Variants in FMNL2 observed in about 807,000 individuals in gnomAD.
The protein encoded by FMNL2 is formin-like protein 2.
Under a neutral mutation model 130.2 loss-of-function variants are expected in FMNL2, and 51 were observed. The ratio of observed to expected loss-of-function variants is 0.39; its 90% CI spans 0.31 to 0.49. The LOEUF (loss-of-function observed/expected upper bound fraction) is 0.49. FMNL2 is among the 20% of genes least tolerant of loss of function. FMNL2 has a pLI of 0.85. For synonymous variants in FMNL2, 465 were observed against 467.1 expected, an observed-to-expected ratio of 1.00 and a Z score of 0.06; for missense variants, 977 against 1,316.2, an observed-to-expected ratio of 0.74 and a Z score of 3.99.
chr2:152,417,537 TC>T (rs1686681922), intron 1 of FMNL2, among the ~76,000 whole-genome samples: 3 of 152,200 alleles, frequency 2.0e-5, no homozygotes, highest in African/African-American at 7.2e-5. Flanking sequence ...ATTGAGGTGT[TC>T]CTGTGATCTG....
At chr2:152,646,365 C>A (rs1204235432) in intron 25 of FMNL2, among the ~76,000 whole-genome samples, 1 of 150,104 alleles carries the variant, frequency 6.7e-6, no homozygotes, top group Non-Finnish European at 1.5e-5. Context: ...AAGAGTAGGG[C>A]AGGGTCACAC....
At position 152,580,811 on chromosome 2, in the gene FMNL2, G is replaced by A. The variant is rs866040209; in HGVS notation, c.783-145G>A. On this transcript the variant is annotated intron_variant, in intron 8 of 25. Coordinates refer to ENST00000288670, the MANE Select transcript of FMNL2 (RefSeq NM_052905.4). ...TAGTAGTCAGTAAAGGTTTAAAAATGTACTTTGATTAAACTGTACCTTAGT... is the reference window on the plus strand; with the variant it reads ...TAGTAGTCAGTAAAGGTTTAAAAATATACTTTGATTAAACTGTACCTTAGT... The A allele has an allele frequency of 2.9e-5, 20 of 687,338 alleles. No homozygotes were observed. The Middle Eastern group carries it at 3.2e-3, about 111-fold the overall frequency. 42.6% of individuals were successfully genotyped at this position (687,338 alleles called of 1,614,324 possible).
chr2:152,336,208 C>G (rs1681431656), intron 1 of FMNL2, among the ~76,000 whole-genome samples: 1 of 152,008 alleles, frequency 6.6e-6, no homozygotes, highest in Non-Finnish European at 1.5e-5. Context: ...TGGCCGGCCG[C>G]GGGCGCCGCG....
intron 17 of FMNL2, among the ~76,000 whole-genome samples, chr2:152,627,043 C>A (rs1011446329): frequency 2.6e-5 from 4 of 152,166 alleles, no homozygotes; most frequent in African/African-American, 9.7e-5. Context: ...CTTATGCGGG[C>A]CTCCAGCAAT....
intron 6 of FMNL2, among the ~76,000 whole-genome samples, chr2:152,572,423 G>A (rs1166569975): frequency 6.6e-6 from 1 of 152,130 alleles, no homozygotes; most frequent in African/African-American, 2.4e-5. Context: ...AGGTGTTCTT[G>A]TTGTGGTAAA....
rs138421390 is a variant in FMNL2, at chr2:152,527,577, A to AT, written c.201+5558dup. 8.1e-3 allele frequency among the ~76,000 whole-genome samples: 1,235 copies of AT among 152,090 alleles called. 17 individuals carry two copies. Among genetic ancestry groups the AT allele is most frequent in the African/African-American group, 0.028 (1,163 of 41,486 alleles). ...CCTGGAATTTTTCCCCTCAATTGCC[A>AT]TTTTTTTAAGTAAGAATTTGGATTA... On this transcript the variant is annotated intron_variant, in intron 2 of 25. Transcript: ENST00000288670.
chr2:152,643,237 A>G (rs773808001), intron 25 of FMNL2, among the ~76,000 whole-genome samples: 4 of 152,150 alleles, frequency 2.6e-5, no homozygotes, highest in Non-Finnish European at 4.4e-5. Flanking sequence ...AAAGCCCCAG[A>G]TAAATTCCTT....
intron 21 of FMNL2, among the ~76,000 whole-genome samples, chr2:152,632,610 C>A (rs2105937820): frequency 6.6e-6 from 1 of 152,254 alleles, no homozygotes; most frequent in Non-Finnish European, 1.5e-5. Context: ...TCATTTAAAT[C>A]ATCTGTGACT....
chr2:152,340,926 G>A lies in FMNL2; in HGVS notation c.117+5206G>A, dbSNP rs181033187. 3.9e-3 allele frequency among the ~76,000 whole-genome samples: 601 copies of A among 152,216 alleles called. 4 individuals carry two copies. Among genetic ancestry groups the A allele is most frequent in the African/African-American group, 0.014 (581 of 41,528 alleles). On this transcript the variant is annotated intron_variant, in intron 1 of 25. Coordinates refer to ENST00000288670, the MANE Select transcript of FMNL2 (RefSeq NM_052905.4). ...AGGCTGGTCTTGAACTCCTGACCTC[G>A]TGATCCACCTGCCTCAGCCTCCCAG...
intron 2 of FMNL2, among the ~76,000 whole-genome samples, chr2:152,526,370 A>C (rs1346557888): frequency 2.6e-5 from 4 of 152,194 alleles, no homozygotes; most frequent in African/African-American, 9.7e-5. Context: ...GATGCCAGCA[A>C]TAACCTTTCC....
chr2:152,547,291 G>C (rs941194906), intron 3 of FMNL2, among the ~76,000 whole-genome samples: 1 of 152,158 alleles, frequency 6.6e-6, no homozygotes, highest in Non-Finnish European at 1.5e-5. Flanking sequence ...CTCATTGCTG[G>C]GAAGTGGTCT....
At chr2:152,346,855 G>GC (rs777310994) in intron 1 of FMNL2, among the ~76,000 whole-genome samples, 16 of 152,058 alleles carry the variant, frequency 1.1e-4, no homozygotes, top group Non-Finnish European at 1.6e-4. Flanking sequence ...ACTTTGGGAG[G>GC]CCGAGGTGGG....
intron 1 of FMNL2, among the ~76,000 whole-genome samples, chr2:152,364,567 C>T (rs1026979204): frequency 9.2e-5 from 14 of 152,076 alleles, no homozygotes; most frequent in African/African-American, 3.1e-4. Context: ...ATTTCTGAAG[C>T]GATTCCATGA....
Position 152,640,851 on chromosome 2 carries a change from C to T in FMNL2, c.3106C>T (p.Gln1036Ter). Reference protein sequence around the residue: ...QELIAELRRRQVKDNRHVYEG... With the variant: ...QELIAELRRR ...GTTAATTGCAGAATTAAGAAGACGACAAGTTAAAGATAACAGACATGTATA... is the reference window on the plus strand; with the variant it reads ...GTTAATTGCAGAATTAAGAAGACGATAAGTTAAAGATAACAGACATGTATA... Residue 1036 changes from glutamine (Q) to a stop codon, truncating the protein, a stop_gained, in exon 25 of 26, where the codon CAA becomes TAA. Transcript: ENST00000288670. LOFTEE classifies it high-confidence loss of function. 1 of 1,613,732 alleles carries T rather than the reference C, an allele frequency of 6.2e-7. No homozygotes were observed.
intron 1 of FMNL2, among the ~76,000 whole-genome samples, chr2:152,517,181 G>A (rs7600568): frequency 0.63 from 95,678 of 152,128 alleles, 30,393 homozygotes; most frequent in Admixed American, 0.69. Flanking sequence ...TCCCCCGTGA[G>A]TTTTTTTTGG....
intron 1 of FMNL2, among the ~76,000 whole-genome samples, chr2:152,473,174 C>A (rs2105190969): frequency 6.6e-6 from 1 of 152,226 alleles, no homozygotes; most frequent in Non-Finnish European, 1.5e-5. Flanking sequence ...GAAAGGCAAT[C>A]TTTTTTTCAA....
chr2:152,491,688 T>C (rs1470025449), intron 1 of FMNL2, among the ~76,000 whole-genome samples: 5 of 152,236 alleles, frequency 3.3e-5, no homozygotes, highest in African/African-American at 4.8e-5. Flanking sequence ...TGATGGCTCA[T>C]GCCTTTAATC....
At position 152,640,873 on chromosome 2, in the gene FMNL2, T is replaced by TA; in HGVS notation, c.3129dup (p.Tyr1044IlefsTer2). 6.2e-7 allele frequency: 1 copy of TA among 1,613,822 alleles called. No homozygotes were observed. ...CGACAAGTTAAAGATAACAGACATG[T>TA]ATATGAGGGAAAAGATGGTGCCATT... On this transcript the variant is annotated frameshift_variant, in exon 25 of 26. Transcript: ENST00000288670. LOFTEE classifies it high-confidence loss of function.
chr2:152,637,738 A>G (rs1682746854), intron 23 of FMNL2, 64 bp downstream of exon 23: 2 of 1,448,564 alleles, frequency 1.4e-6, no homozygotes, highest in Non-Finnish European at 1.9e-6. Context: ...GATGTGTCTG[A>G]GTCCCAACTC....
Sources: gnomAD v4.1 joint callset for allele counts (sites outside exome capture counted in the v4.1 genomes callset) on GRCh38, gnomAD v4.1.1 for gene constraint, MANE v1.5 for transcripts, NCBI Gene and HGNC (gene_info 2026-07-23, HGNC 2026-07-21) for gene names.